Variants in ENTPD7 observed in about 807,000 individuals in gnomAD.
The protein encoded by ENTPD7 is ectonucleoside triphosphate diphosphohydrolase 7, also known as NTPDase 7.
A neutral mutation model predicts 77.9 loss-of-function variants in ENTPD7; 53 were observed. The observed-to-expected ratio is 0.68, with a 90% CI of 0.55 to 0.85. The LOEUF is 0.85. ENTPD7 is among the 40% of genes least tolerant of loss of function. The pLI is 0.00. For synonymous variants in ENTPD7, 248 were observed against 274.9 expected (o/e 0.90, Z 0.97); for missense variants, 636 against 743.7 (o/e 0.86, Z 1.68).
At position 99,709,871 on chromosome 10, in the gene ENTPD7, G is replaced by A; in HGVS notation, c.*5188G>A. ...ACGAGGAAGGAATAACACACCAGTT[G>A]ACCATTTTGTTTCTCTGAAAATCTG... On this transcript the variant is annotated 3_prime_UTR_variant, in exon 13 of 13. Coordinates refer to ENST00000370489, the MANE Select transcript of ENTPD7 (RefSeq NM_020354.5). 2 of 985,346 alleles carry A rather than the reference G, an allele frequency of 2.0e-6. No individual in the cohort carries two copies. The highest frequency in any genetic ancestry group is 2.4e-6 in the Non-Finnish European group (2 of 829,864). 61.0% of individuals were successfully genotyped at this position (985,346 alleles called of 1,614,324 possible). A position where few individuals can be genotyped will look rare whatever the true frequency, so the allele number is the denominator to read the frequency against.
intron 3 of ENTPD7, among the ~76,000 whole-genome samples, chr10:99,665,983 C>T (rs1021857589): frequency 1.3e-5 from 2 of 152,138 alleles, no homozygotes; most frequent in Admixed American, 6.5e-5. Flanking sequence ...TCTTGACAGA[C>T]CTGCGCATAG....
intron 12 of ENTPD7, among the ~76,000 whole-genome samples, chr10:99,703,114 T>A (rs926643296): frequency 9.2e-5 from 14 of 152,236 alleles, no homozygotes; most frequent in African/African-American, 3.4e-4. Context: ...GTCATTGACT[T>A]AGAAGGCTTT....
In ENTPD7 at chr10:99,679,466, G is replaced by T. The variant is rs562711164; in HGVS notation, c.397G>T (p.Gly133Ter). 1.2e-6 allele frequency: 2 copies of T among 1,608,966 alleles called. No homozygotes were observed. Among genetic ancestry groups the T allele is most frequent in the Admixed American group, 3.4e-5 (2 of 58,504 alleles). ...ACCAGTGGTTAAAAAAATCAAGCCA[G>T]GTACTAATCAGAATATATTTTGTTG... ...SQPVVKKIKP[G>*]ISAMADTPEH... is the part of the protein sequence containing the mutation. The change falls in exon 4 of 13, where the codon GGA (glycine) becomes TGA (stop). Residue 133 changes from glycine to a stop codon, truncating the protein, a stop_gained and splice_region_variant. Transcript: ENST00000370489. LOFTEE classifies it high-confidence loss of function.
At chr10:99,666,693 C>T (rs1314257385) in intron 3 of ENTPD7, among the ~76,000 whole-genome samples, 1 of 152,212 alleles carries the variant, frequency 6.6e-6, no homozygotes, top group African/African-American at 2.4e-5. Flanking sequence ...AATGTCATAG[C>T]TTAGCCTAGC....
intron 7 of ENTPD7, 39 bp downstream of exon 7, chr10:99,688,789 G>A: frequency 9.4e-6 from 15 of 1,601,660 alleles, no homozygotes; most frequent in Non-Finnish European, 1.3e-5. Context: ...TTACCTAAGG[G>A]CTGAAGATTT....
At chr10:99,694,644 C>A (rs1385225334) in intron 8 of ENTPD7, among the ~76,000 whole-genome samples, 1 of 149,892 alleles carries the variant, frequency 6.7e-6, no homozygotes, top group African/African-American at 2.5e-5. Context: ...TCAAGCGATT[C>A]TCCTGCCTCA....
chr10:99,706,343 T>G lies in ENTPD7; in HGVS notation c.*1660T>G, dbSNP rs1439251676. 6.6e-6 allele frequency: 1 copy of G among 151,628 alleles called. No individual in the cohort carries two copies. Among genetic ancestry groups the G allele is most frequent in the Admixed American group, 6.6e-5 (1 of 15,200 alleles). 9.4% of individuals were successfully genotyped at this position (151,628 alleles called of 1,614,324 possible). A position where few individuals can be genotyped will look rare whatever the true frequency, so the allele number is the denominator to read the frequency against. ...CATGCAAAGACTCTGTTCCTTTTTT[T>G]TTTTCTTGGAGACAGGGCCTCACGC... On this transcript the variant is annotated 3_prime_UTR_variant, in exon 13 of 13. Coordinates refer to ENST00000370489, the MANE Select transcript of ENTPD7 (RefSeq NM_020354.5).
intron 3 of ENTPD7, among the ~76,000 whole-genome samples, chr10:99,678,004 A>G (rs2035706255): frequency 6.6e-6 from 1 of 152,160 alleles, no homozygotes; most frequent in South Asian, 2.1e-4. Context: ...TGGAATGAGA[A>G]TCTGAAAAAA....
At chr10:99,680,763 A>G (rs896019169) in intron 5 of ENTPD7, among the ~76,000 whole-genome samples, 5 of 152,028 alleles carry the variant, frequency 3.3e-5, no homozygotes, top group African/African-American at 1.2e-4. Flanking sequence ...ATTTTTGTGG[A>G]GCCAGGTTTC....
At chr10:99,685,560 A>G (rs928220006) in intron 5 of ENTPD7, among the ~76,000 whole-genome samples, 14 of 152,142 alleles carry the variant, frequency 9.2e-5, no homozygotes, top group Non-Finnish European at 1.3e-4. Context: ...ATAACATCAT[A>G]TAAGGGGAAA....
intron 9 of ENTPD7, 83 bp from the exon 10 acceptor site, chr10:99,698,451 C>A: frequency 7.5e-7 from 1 of 1,338,394 alleles, no homozygotes; most frequent in Non-Finnish European, 1.0e-6. Context: ...TAAGATATTT[C>A]TGATGCACAT....
chr10:99,702,421 T>A, intron 11 of ENTPD7, 91 bp from the exon 12 acceptor site: 2 of 1,159,238 alleles, frequency 1.7e-6, no homozygotes, highest in Non-Finnish European at 1.2e-6. Flanking sequence ...GGTCTTTTAA[T>A]AACTTGTGGG....
chr10:99,686,583 ATTTCT>A (rs567229822), intron 6 of ENTPD7, among the ~76,000 whole-genome samples: 26 of 151,756 alleles, frequency 1.7e-4, no homozygotes, highest in Non-Finnish European at 1.5e-4. Flanking sequence ...TTAATATTCT[ATTTCT>A]TTTCTTTTCT....
At chr10:99,677,410 G>T (rs2035697258) in intron 3 of ENTPD7, among the ~76,000 whole-genome samples, 1 of 145,290 alleles carries the variant, frequency 6.9e-6, no homozygotes, top group Non-Finnish European at 1.5e-5. Flanking sequence ...TGTCACCCAG[G>T]CTAGAGTGCA....
At chr10:99,695,876 C>G in intron 8 of ENTPD7, 80 bp from the exon 9 acceptor site, 2 of 1,332,214 alleles carry the variant, frequency 1.5e-6, no homozygotes, top group Non-Finnish European at 2.1e-6. Flanking sequence ...GAAATGAAGC[C>G]TCGTGTATTA....
Position 99,698,781 on chromosome 10 carries a change from G to A in ENTPD7, c.1258G>A (p.Glu420Lys), listed in dbSNP as rs762345381. 6.2e-7 allele frequency: 1 copy of A among 1,614,196 alleles called. No homozygotes were observed. Among genetic ancestry groups the A allele is most frequent in the South Asian group, 1.1e-5 (1 of 91,080 alleles). The part of the protein sequence containing the change: ...FNNSEFYGFS[E>K]FFYCTEDVLR... ...CAACAGCGAGTTCTACGGCTTCTCT[G>A]AGTTTTTTTATTGTACAGAGGATGT... Residue 420 changes from glutamate (E) to lysine (K), a missense_variant, in exon 10 of 13, where the codon GAG becomes AAG. Glu to Lys is a moderately conservative substitution (Grantham distance 56). This residue lies in a region of ENTPD7 where 486 missense variants were observed against 556.5 expected (regional missense o/e 0.87). Coordinates refer to ENST00000370489, the MANE Select transcript of ENTPD7 (RefSeq NM_020354.5).
Position 99,704,679 on chromosome 10 carries a change from C to A in ENTPD7, c.1811C>A (p.Pro604Gln), listed in dbSNP as rs760691867. Reference protein sequence around the residue: ...VVPMMGVQVGP With the variant: ...VVPMMGVQVGQ ...CCCATGATGGGAGTACAGGTGGGGC[C>A]GTGAGGCTGGACCAGGACTAGAGAA... is the stretch of plus-strand genomic sequence containing the variant. The change falls in exon 13 of 13, where the codon CCG becomes CAG. Residue 604 changes from proline to glutamine, a missense_variant. Around this residue, in one of 3 missense-constraint regions of ENTPD7, gnomAD observed 138 missense variants for 150.9 expected, o/e 0.91. Coordinates refer to ENST00000370489, the MANE Select transcript of ENTPD7 (RefSeq NM_020354.5). The A allele has an allele frequency of 6.2e-7, 1 of 1,612,752 alleles. No individual in the cohort carries two copies. Among genetic ancestry groups the A allele is most frequent in the South Asian group, 1.1e-5 (1 of 90,890 alleles).
At chr10:99,703,692 G>A (rs11190249) in intron 12 of ENTPD7, among the ~76,000 whole-genome samples, 9 of 152,056 alleles carry the variant, frequency 5.9e-5, no homozygotes, top group Admixed American at 5.9e-4. Flanking sequence ...ATATATCCTA[G>A]ATCCTAAGGA....
At chr10:99,666,145 T>A (rs552886600) in intron 3 of ENTPD7, among the ~76,000 whole-genome samples, 1 of 152,256 alleles carries the variant, frequency 6.6e-6, no homozygotes, top group East Asian at 1.9e-4. Context: ...GTTTAGGCAT[T>A]ACCCTCAGGG....
Sources: gnomAD v4.1 joint callset for allele counts (sites outside exome capture counted in the v4.1 genomes callset) on GRCh38, gnomAD v4.1.1 for gene constraint, gnomAD v4.1.1 regional missense constraint, MANE v1.5 for transcripts, NCBI Gene and HGNC (gene_info 2026-07-23, HGNC 2026-07-21) for gene names.